The following MAP2 variants were observed in gnomAD, a reference collection of about 807,000 sequenced individuals.
The protein encoded by MAP2 is microtubule associated protein 2.
Under a neutral mutation model 137.6 loss-of-function variants are expected in MAP2, and 14 were observed. The ratio of observed to expected loss-of-function variants is 0.10; its 90% CI spans 0.07 to 0.16. The LOEUF is 0.16. MAP2 is among the 10% of genes least tolerant of loss of function. The pLI is 1.00. For synonymous variants in MAP2, 786 were observed against 782.3 expected (o/e 1.00, Z -0.08); for missense variants, 2,088 against 2,191.5 (o/e 0.95, Z 0.94).
chr2:209,578,419 G>GA (rs67981173), intron 2 of MAP2, among the ~76,000 whole-genome samples: 99 of 141,336 alleles, frequency 7.0e-4, no homozygotes, highest in Non-Finnish European at 8.1e-4. Flanking sequence ...TTTCAAGAAG[G>GA]AAAAAAAAAA....
At chr2:209,566,886 A>T (rs1310550001) in intron 2 of MAP2, among the ~76,000 whole-genome samples, 1 of 152,142 alleles carries the variant, frequency 6.6e-6, no homozygotes, top group Non-Finnish European at 1.5e-5. Flanking sequence ...TCAATCATAC[A>T]TTTTGTTAAA....
At chr2:209,676,769 A>ATATATATATATATC (rs2051916836) in intron 5 of MAP2, among the ~76,000 whole-genome samples, 1 of 94,178 alleles carries the variant, frequency 1.1e-5, no homozygotes, top group Non-Finnish European at 2.1e-5. Flanking sequence ...ATATATATAT[A>ATATATATATATATC]TATCTCCCAA....
chr2:209,441,545 G>A (rs1697781351), intron 1 of MAP2, among the ~76,000 whole-genome samples: 1 of 151,540 alleles, frequency 6.6e-6, no homozygotes, highest in African/African-American at 2.4e-5. Flanking sequence ...GTGGAGGCCA[G>A]CTGTTTTTGG....
intron 3 of MAP2, among the ~76,000 whole-genome samples, chr2:209,591,098 G>A (rs2079117091): frequency 6.6e-6 from 1 of 152,158 alleles, no homozygotes; most frequent in Admixed American, 6.5e-5. Flanking sequence ...TAATTTCACA[G>A]TAGAGGAAAA....
chr2:209,443,442 T>C (rs1698304263), intron 1 of MAP2, among the ~76,000 whole-genome samples: 2 of 151,660 alleles, frequency 1.3e-5, no homozygotes, highest in Non-Finnish European at 3.0e-5. Context: ...CTTTTGCTAG[T>C]GATTATTTGA....
At chr2:209,555,336 C>T (rs1160613743) in intron 2 of MAP2, among the ~76,000 whole-genome samples, 1 of 152,116 alleles carries the variant, frequency 6.6e-6, no homozygotes, top group Non-Finnish European at 1.5e-5. Flanking sequence ...CGAATATTCA[C>T]TCAGTTCAGT....
At chr2:209,675,257 G>T (rs1426388503) in intron 5 of MAP2, among the ~76,000 whole-genome samples, 1 of 151,386 alleles carries the variant, frequency 6.6e-6, no homozygotes, top group African/African-American at 2.4e-5. Context: ...AACAACTTTT[G>T]GTTAAACATA....
intron 4 of MAP2, among the ~76,000 whole-genome samples, chr2:209,642,329 G>A (rs1483076628): frequency 6.6e-6 from 1 of 151,420 alleles, no homozygotes. Flanking sequence ...AGCTACTCAG[G>A]AGGCTGAGGC....
At chr2:209,592,577 CCATTA>C (rs1559368793) in intron 3 of MAP2, among the ~76,000 whole-genome samples, 1 of 152,130 alleles carries the variant, frequency 6.6e-6, no homozygotes, top group African/African-American at 2.4e-5. Flanking sequence ...CAGTTTTGCT[CCATTA>C]CATTTTAGCA....
rs2074474098 is a variant in MAP2 at position 209,727,452 on chromosome 2, AGATAAG to A, written c.5155+1665_5155+1670del. Among the ~76,000 whole-genome samples the A allele has an allele frequency of 2.0e-5, 3 of 152,352 alleles. No homozygotes were observed. In the South Asian group the frequency reaches 6.2e-4, roughly 32 times the overall value. ...CTAGATGTACGGAAAAATTTTATAT[AGATAAG>A]GAACTATTCTGTGTATGATTTGTTG... On this transcript the variant is annotated intron_variant, in intron 14 of 15. Coordinates refer to ENST00000682079, the MANE Select transcript of MAP2 (RefSeq NM_001375505.1).
intron 14 of MAP2, among the ~76,000 whole-genome samples, chr2:209,729,645 A>G (rs1413618572): frequency 1.3e-5 from 2 of 152,198 alleles, no homozygotes; most frequent in Non-Finnish European, 2.9e-5. Flanking sequence ...ATATAATAGT[A>G]TAAGAAGGGT....
chr2:209,495,391 G>T (rs369276950), intron 1 of MAP2, among the ~76,000 whole-genome samples: 9 of 152,372 alleles, frequency 5.9e-5, no homozygotes, highest in African/African-American at 2.2e-4. Flanking sequence ...TCATAACGGG[G>T]AGATACCTCC....
chr2:209,440,950 T>C (rs1212100179), intron 1 of MAP2, among the ~76,000 whole-genome samples: 1 of 151,678 alleles, frequency 6.6e-6, no homozygotes, highest in East Asian at 1.9e-4. Context: ...ATCATATCAC[T>C]AATTTACATT....
At chr2:209,506,724 A>T (rs1358436483) in intron 1 of MAP2, among the ~76,000 whole-genome samples, 4 of 152,142 alleles carry the variant, frequency 2.6e-5, no homozygotes, top group Non-Finnish European at 5.9e-5. Context: ...AGACCACTGG[A>T]AAGATTGATC....
rs913103136 is a variant in MAP2 at position 209,434,882 on chromosome 2, A to G, written c.-222+10606A>G. ...TATATGTTATATATATGTTATATAT[A>G]TGTTATATATATGTTATATATATAT... On this transcript the variant is annotated intron_variant, in intron 1 of 15. Coordinates refer to ENST00000682079, the MANE Select transcript of MAP2 (RefSeq NM_001375505.1). Among the ~76,000 whole-genome samples the G allele has an allele frequency of 7.9e-4, 29 of 36,730 alleles. 2 individuals carry two copies. Among genetic ancestry groups the G allele is most frequent in the African/African-American group, 5.4e-3 (29 of 5,364 alleles). The allele number at this position is 36,730 out of a possible 152,430, so 24.1% of individuals were successfully genotyped here.
intron 7 of MAP2, among the ~76,000 whole-genome samples, chr2:209,682,397 A>C (rs1405324370): frequency 6.6e-6 from 1 of 152,178 alleles, no homozygotes; most frequent in Non-Finnish European, 1.5e-5. Context: ...AGGCTGAGGC[A>C]GGAGAATCAC....
chr2:209,726,320 G>A (rs1271608104), intron 14 of MAP2, among the ~76,000 whole-genome samples: 1 of 151,998 alleles, frequency 6.6e-6, no homozygotes, highest in Admixed American at 6.5e-5. Context: ...AACCCCTTTT[G>A]GTTTTTCAAA....
chr2:209,552,152 G>A (rs918709737), intron 2 of MAP2, among the ~76,000 whole-genome samples: 2 of 152,166 alleles, frequency 1.3e-5, no homozygotes, highest in Non-Finnish European at 2.9e-5. Flanking sequence ...ACTGTAAAAT[G>A]TGGATAAGAA....
At position 209,697,096 on chromosome 2, in the gene MAP2, A is replaced by AT. The variant is rs201051194; in HGVS notation, c.4522+55dup. ...ATGTGACTGGCAAACATAGACATGT[A>AT]TTTTTTTTTTAAATCTCATTACTGT... On this transcript the variant is annotated intron_variant, in intron 10 of 15. Transcript: ENST00000682079. The AT allele has an allele frequency of 4.3e-3, 6,184 of 1,428,492 alleles. 54 individuals are homozygous for AT. In the East Asian group the frequency reaches 0.055, roughly 13 times the overall value. The allele number at this position is 1,428,492 out of a possible 1,614,324, so 88.5% of individuals were successfully genotyped here.
Sources: allele counts gnomAD v4.1 joint callset (sites outside exome capture counted in the v4.1 genomes callset), GRCh38; gene constraint gnomAD v4.1.1; transcripts MANE v1.5; gene names NCBI Gene and HGNC (gene_info 2026-07-23, HGNC 2026-07-21).